FHIT: variants seen among roughly 807,000 people sequenced by gnomAD.
FHIT encodes bis(5'-adenosyl)-triphosphatase.
FHIT carries 19 observed loss-of-function variants against 17.9 expected under a neutral mutation model. The observed-to-expected ratio is 1.06, with a 90% CI of 0.74 to 1.56. The LOEUF is 1.56. FHIT is among the 40% of genes most tolerant of loss of function. The pLI is 0.00. For missense variants in FHIT, 248 were observed against 189.2 expected, an observed-to-expected ratio of 1.31 and a Z score of -1.82; for synonymous variants, 81 against 69.7, an observed-to-expected ratio of 1.16 and a Z score of -0.81.
chr3:60,418,401 T>C (rs1702338113), intron 5 of FHIT, among the ~76,000 whole-genome samples: 1 of 130,634 alleles, frequency 7.7e-6, no homozygotes, highest in Non-Finnish European at 1.6e-5. Flanking sequence ...TATATATATA[T>C]ATATATATAT....
chr3:60,957,958 A>T (rs1317641253), intron 3 of FHIT, among the ~76,000 whole-genome samples: 1 of 152,202 alleles, frequency 6.6e-6, no homozygotes, highest in African/African-American at 2.4e-5. Context: ...CAAAAATTTT[A>T]TTTTTTAATT....
At chr3:60,963,709 G>A (rs1709573865) in intron 3 of FHIT, among the ~76,000 whole-genome samples, 1 of 149,950 alleles carries the variant, frequency 6.7e-6, no homozygotes, top group African/African-American at 2.5e-5. Context: ...TTCAGGAGCA[G>A]GTTGTTCAGT....
At chr3:60,691,322 T>C (rs1428641902) in intron 4 of FHIT, among the ~76,000 whole-genome samples, 4 of 152,228 alleles carry the variant, frequency 2.6e-5, no homozygotes, top group African/African-American at 9.6e-5. Context: ...TTGCACCTGT[T>C]CATTTCAACA....
intron 3 of FHIT, among the ~76,000 whole-genome samples, chr3:60,999,637 G>A (rs1237427357): frequency 6.6e-6 from 1 of 151,794 alleles, no homozygotes; most frequent in Non-Finnish European, 1.5e-5. Flanking sequence ...GATTCCTCAT[G>A]CATTTAGCTT....
intron 5 of FHIT, among the ~76,000 whole-genome samples, chr3:60,404,044 CCAAT>C (rs1193026271): frequency 1.3e-5 from 2 of 152,162 alleles, no homozygotes; most frequent in African/African-American, 4.8e-5. Flanking sequence ...CTGTCCACAA[CCAAT>C]CAGACTGATT....
intron 3 of FHIT, among the ~76,000 whole-genome samples, chr3:60,835,930 G>A (rs1702524944): frequency 6.6e-6 from 1 of 152,204 alleles, no homozygotes; most frequent in African/African-American, 2.4e-5. Context: ...CTAGTTTTAA[G>A]AGTTGGTTTT....
intron 8 of FHIT, among the ~76,000 whole-genome samples, chr3:59,858,435 C>A (rs1402848820): frequency 6.6e-6 from 1 of 151,848 alleles, no homozygotes; most frequent in African/African-American, 2.4e-5. Flanking sequence ...ACCATGTTGG[C>A]CACGATGGTC....
intron 5 of FHIT, among the ~76,000 whole-genome samples, chr3:60,078,502 T>G (rs957804385): frequency 6.6e-6 from 1 of 152,106 alleles, no homozygotes; most frequent in Admixed American, 6.6e-5. Context: ...TCTGGGGAAT[T>G]GTTTGAGATT....
chr3:61,205,444 T>A (rs915340127), intron 1 of FHIT, among the ~76,000 whole-genome samples: 1 of 152,132 alleles, frequency 6.6e-6, no homozygotes, highest in Admixed American at 6.5e-5. Flanking sequence ...ACCAACAGGG[T>A]AAAAGTGTTC....
chr3:59,888,933 T>C (rs368512367), intron 8 of FHIT, among the ~76,000 whole-genome samples: 15 of 152,328 alleles, frequency 9.8e-5, no homozygotes, highest in African/African-American at 3.4e-4. Flanking sequence ...AGGCATCACA[T>C]AGCCAGAAGA....
At position 61,118,922 on chromosome 3, in the gene FHIT, T is replaced by C. The variant is rs577174158; in HGVS notation, c.-163-76823A>G. ...TAGTCCCACTGGACCCATCATGGCA[T>C]TGAGGGAGATCAAATTTCACTATTT... On this transcript the variant is annotated intron_variant, in intron 2 of 9. Coordinates refer to ENST00000492590, the MANE Select transcript of FHIT (RefSeq NM_002012.4). 3.0e-3 allele frequency among the ~76,000 whole-genome samples: 459 copies of C among 152,258 alleles called. 2 individuals carry two copies. The highest frequency in any genetic ancestry group is 4.6e-3 in the Non-Finnish European group (310 of 68,006).
intron 5 of FHIT, among the ~76,000 whole-genome samples, chr3:60,165,027 T>G (rs1330171114): frequency 2.0e-5 from 3 of 152,150 alleles, no homozygotes; most frequent in Non-Finnish European, 4.4e-5. Context: ...CTAGGCAGTT[T>G]AGATCACAGA....
intron 1 of FHIT, among the ~76,000 whole-genome samples, chr3:61,226,305 T>A (rs992609334): frequency 5.9e-5 from 9 of 152,156 alleles, no homozygotes; most frequent in Non-Finnish European, 7.4e-5. Context: ...CATTTGGAGA[T>A]GAGGCTCCAC....
intron 5 of FHIT, among the ~76,000 whole-genome samples, chr3:60,341,208 C>A (rs1423669737): frequency 6.6e-6 from 1 of 152,092 alleles, no homozygotes; most frequent in South Asian, 2.1e-4. Flanking sequence ...TTGTTTTGAG[C>A]TGGATATATC....
At chr3:60,349,614 T>C (rs79240394) in intron 5 of FHIT, among the ~76,000 whole-genome samples, 21,783 of 152,114 alleles carry the variant, frequency 0.14, 1,662 homozygotes, top group Non-Finnish European at 0.16. Flanking sequence ...TCCAAAAATA[T>C]ACAAGCCTCC....
At chr3:60,561,445 G>C (rs561323205) in intron 4 of FHIT, among the ~76,000 whole-genome samples, 1 of 151,650 alleles carries the variant, frequency 6.6e-6, no homozygotes, top group Non-Finnish European at 1.5e-5. Context: ...GCTAGTCAAA[G>C]AATGTTTGAG....
At chr3:59,931,497 A>T (rs1705969960) in intron 7 of FHIT, among the ~76,000 whole-genome samples, 1 of 152,174 alleles carries the variant, frequency 6.6e-6, no homozygotes, top group African/African-American at 2.4e-5. Flanking sequence ...CAAAATGCAC[A>T]GGCACACTGA....
chr3:60,205,885 G>A (rs1372486385), intron 5 of FHIT, among the ~76,000 whole-genome samples: 1 of 151,818 alleles, frequency 6.6e-6, no homozygotes, highest in Non-Finnish European at 1.5e-5. Context: ...GAGGGGGGCA[G>A]ATCATGAGGT....
chr3:61,000,177 C>T (rs1227822097), intron 3 of FHIT, among the ~76,000 whole-genome samples: 1 of 152,126 alleles, frequency 6.6e-6, no homozygotes, highest in African/African-American at 2.4e-5. Context: ...CAGGCCACCT[C>T]ATGAAGGAGG....
Sources: gnomAD v4.1 joint callset for allele counts (sites outside exome capture counted in the v4.1 genomes callset) on GRCh38, gnomAD v4.1.1 for gene constraint, MANE v1.5 for transcripts, NCBI Gene and HGNC (gene_info 2026-07-23, HGNC 2026-07-21) for gene names.